RABGAP1L: variants seen among roughly 807,000 people sequenced by gnomAD.
The protein encoded by RABGAP1L is RAB GTPase activating protein 1 like, also known as rab GTPase-activating protein 1-like.
Under a neutral mutation model 137.7 loss-of-function variants are expected in RABGAP1L, and 63 were observed. The ratio of observed to expected loss-of-function variants is 0.46; its 90% CI spans 0.37 to 0.56. The LOEUF (loss-of-function observed/expected upper bound fraction) is 0.56. Among genes scored for constraint, RABGAP1L ranks in the 20% least tolerant of loss-of-function variants. The pLI, the probability that RABGAP1L is intolerant of heterozygous loss-of-function variation, is 0.00. For missense variants in RABGAP1L, 1,095 were observed against 1,244.0 expected (o/e 0.88, Z 1.80); for synonymous variants, 431 against 433.7 (o/e 0.99, Z 0.08).
At chr1:174,915,553 T>C (rs1660720893) in intron 19 of RABGAP1L, among the ~76,000 whole-genome samples, 1 of 152,132 alleles carries the variant, frequency 6.6e-6, no homozygotes, top group African/African-American at 2.4e-5. Flanking sequence ...GCCTCGCAGG[T>C]TCAAGCGATT....
intron 13 of RABGAP1L, among the ~76,000 whole-genome samples, chr1:174,633,345 C>G (rs1263397205): frequency 6.8e-6 from 1 of 146,428 alleles, no homozygotes; most frequent in Non-Finnish European, 1.5e-5. Context: ...AGGACCTCTT[C>G]AAGGAGAACT....
chr1:174,585,414 G>A (rs1326020811), intron 13 of RABGAP1L, among the ~76,000 whole-genome samples: 1 of 152,100 alleles, frequency 6.6e-6, no homozygotes, highest in African/African-American at 2.4e-5. Context: ...TACTGGACAG[G>A]TAAGGCACAT....
At chr1:174,572,056 A>T (rs1207527204) in intron 13 of RABGAP1L, among the ~76,000 whole-genome samples, 1 of 152,220 alleles carries the variant, frequency 6.6e-6, no homozygotes, top group Admixed American at 6.5e-5. Context: ...GCTTACAATG[A>T]AACATTTTCA....
chr1:174,229,212 A>T (rs1217059671), intron 3 of RABGAP1L, among the ~76,000 whole-genome samples: 1 of 152,192 alleles, frequency 6.6e-6, no homozygotes, highest in Non-Finnish European at 1.5e-5. Flanking sequence ...TTGGTATGAG[A>T]TGTAACATTT....
At chr1:174,282,886 C>T (rs987337343) in intron 10 of RABGAP1L, among the ~76,000 whole-genome samples, 7 of 152,130 alleles carry the variant, frequency 4.6e-5, no homozygotes, top group Non-Finnish European at 1.5e-5. Flanking sequence ...ATTAGTTTGT[C>T]TAAAATTAAT....
chr1:174,250,708 CTA>C (rs1377849585), intron 6 of RABGAP1L, 76 bp downstream of exon 6: 1 of 1,357,214 alleles, frequency 7.4e-7, no homozygotes, highest in African/African-American at 1.5e-5. Flanking sequence ...TTTCAAGAAA[CTA>C]TACAGTGTTG....
At chr1:174,183,296 G>A (rs1226358474) in intron 1 of RABGAP1L, among the ~76,000 whole-genome samples, 3 of 152,222 alleles carry the variant, frequency 2.0e-5, no homozygotes, top group Non-Finnish European at 4.4e-5. Flanking sequence ...CCCTGCCGTG[G>A]TGAAGATCAC....
At chr1:174,841,292 A>G (rs977888631) in intron 19 of RABGAP1L, among the ~76,000 whole-genome samples, 1 of 152,146 alleles carries the variant, frequency 6.6e-6, no homozygotes. Context: ...CTGTGATCTC[A>G]TTGCAATAAA....
intron 12 of RABGAP1L, among the ~76,000 whole-genome samples, chr1:174,379,189 G>C (rs1349709185): frequency 6.7e-6 from 1 of 149,980 alleles, no homozygotes; most frequent in East Asian, 2.0e-4. Flanking sequence ...GGGTACTGTA[G>C]CCTTGTAGTA....
At chr1:174,849,006 A>G (rs967374052) in intron 19 of RABGAP1L, among the ~76,000 whole-genome samples, 21 of 152,184 alleles carry the variant, frequency 1.4e-4, no homozygotes, top group African/African-American at 4.8e-4. Context: ...TGCGTCCGTC[A>G]CCGCTTTCTT....
chr1:174,660,637 C>G (rs1450326884), intron 14 of RABGAP1L, among the ~76,000 whole-genome samples: 1 of 152,214 alleles, frequency 6.6e-6, no homozygotes, highest in Non-Finnish European at 1.5e-5. Flanking sequence ...TGACTATTCT[C>G]TCTATCATGC....
At chr1:174,621,676 T>C (rs1324122964) in intron 13 of RABGAP1L, among the ~76,000 whole-genome samples, 1 of 152,156 alleles carries the variant, frequency 6.6e-6, no homozygotes. Context: ...CTGGATCCCT[T>C]CCTTACACCT....
At chr1:174,692,204 A>G (rs1678923609) in intron 15 of RABGAP1L, among the ~76,000 whole-genome samples, 4 of 152,158 alleles carry the variant, frequency 2.6e-5, no homozygotes, top group Non-Finnish European at 1.5e-5. Context: ...TCTTAAAGAA[A>G]TATTTAACAC....
chr1:174,832,242 G>T lies in RABGAP1L; in HGVS notation c.2340+20282G>T, dbSNP rs190946585. Among the ~76,000 whole-genome samples, 18 of 146,448 alleles carry T rather than the reference G, an allele frequency of 1.2e-4. 2 individuals are homozygous for T. The highest frequency in any genetic ancestry group is 4.8e-4 in the Admixed American group (7 of 14,642). On this transcript the variant is annotated intron_variant, in intron 19 of 25. Coordinates refer to ENST00000681986, the MANE Select transcript of RABGAP1L (RefSeq NM_001366446.1). ...CGGGAGGTGGAGGTTGCAGTGAGCC[G>T]AGATCGTGCCACTACATTCCAGCCT...
intron 13 of RABGAP1L, among the ~76,000 whole-genome samples, chr1:174,403,311 C>T (rs1648863735): frequency 1.3e-5 from 2 of 150,054 alleles, no homozygotes; most frequent in African/African-American, 4.9e-5. Flanking sequence ...CAGGGTCTCA[C>T]CATGTTGCTC....
chr1:174,472,157 C>T (rs1236050355), intron 13 of RABGAP1L, among the ~76,000 whole-genome samples: 2 of 152,170 alleles, frequency 1.3e-5, no homozygotes, highest in Non-Finnish European at 2.9e-5. Context: ...TTAAGACACC[C>T]AGCTGTATGT....
chr1:174,459,612 T>A (rs1415930582), intron 13 of RABGAP1L, among the ~76,000 whole-genome samples: 3 of 152,154 alleles, frequency 2.0e-5, no homozygotes, highest in Non-Finnish European at 2.9e-5. Context: ...TAGGGAATAG[T>A]GACAAGAAAT....
At chr1:174,639,588 A>C (rs1284907104) in intron 14 of RABGAP1L, among the ~76,000 whole-genome samples, 2 of 152,012 alleles carry the variant, frequency 1.3e-5, no homozygotes, top group Admixed American at 6.6e-5. Flanking sequence ...CCAGTCAGTG[A>C]CTTTCCCTTC....
rs1196988398 is a variant in RABGAP1L, at chr1:174,394,021, A to G, written c.1586A>G (p.Lys529Arg). Reference sequence around the variant, plus strand: ...CACAGTAACCTTGGTGCACGACCGAAAGGGCTGTCTACTCTGGTGAAGAGT... The same window carrying G: ...CACAGTAACCTTGGTGCACGACCGAGAGGGCTGTCTACTCTGGTGAAGAGT... Reference protein sequence around the residue: ...KWHSNLGARPKGLSTLVKSGV... With the variant: ...KWHSNLGARPRGLSTLVKSGV... Residue 529 changes from lysine to arginine, a missense_variant, in exon 13 of 26, where the codon AAA becomes AGA. Transcript: ENST00000681986. 4.3e-6 allele frequency: 7 copies of G among 1,613,394 alleles called. No individual in the cohort carries two copies. Among genetic ancestry groups the G allele is most frequent in the Non-Finnish European group, 5.1e-6 (6 of 1,179,700 alleles).
Sources: allele counts gnomAD v4.1 joint callset (sites outside exome capture counted in the v4.1 genomes callset), GRCh38; gene constraint gnomAD v4.1.1; transcripts MANE v1.5; gene names NCBI Gene and HGNC (gene_info 2026-07-23, HGNC 2026-07-21).